The following TNXB variants were observed in gnomAD, a reference collection of about 807,000 sequenced individuals.
TNXB encodes the protein tenascin-X.
TNXB carries 183 observed loss-of-function variants against 340.5 expected under a neutral mutation model. The ratio of observed to expected loss-of-function variants is 0.54; its 90% confidence interval spans 0.48 to 0.61. The LOEUF is 0.61. TNXB is among the 20% of genes least tolerant of loss of function. The pLI is 0.00. For missense variants in TNXB, 4,613 were observed against 5,446.4 expected (o/e 0.85, Z 4.82); for synonymous variants, 2,121 against 2,314.5 (o/e 0.92, Z 2.40).
chr6:32,070,056 C>T lies in TNXB; in HGVS notation c.5278+71G>A. On this transcript the variant is annotated intron_variant, in intron 14 of 43. Coordinates refer to ENST00000644971, the MANE Select transcript of TNXB (RefSeq NM_001365276.2). This position sits in a 1 kb window ranked among gnomAD's most constrained non-coding sequence, Gnocchi z 6.0. ...TGGGGCCAAATAATGGTAATGGCAG[C>T]CACCACAAGTGACCGTCTGCTGCTT... The T allele has an allele frequency of 1.4e-6, 2 of 1,458,024 alleles. No individual in the cohort carries two copies. Among genetic ancestry groups the T allele is most frequent in the Non-Finnish European group, 1.8e-6 (2 of 1,107,884 alleles). 90.3% of individuals were successfully genotyped at this position (1,458,024 alleles called of 1,614,324 possible).
At chr6:32,043,920 C>T in intron 34 of TNXB, 28 bp from the exon 35 acceptor site, 1 of 1,613,126 alleles carries the variant, frequency 6.2e-7, no homozygotes, top group Non-Finnish European at 8.5e-7. Flanking sequence ...CGAGGGTTAC[C>T]CAGGGAACCC....
In TNXB at chr6:32,062,045, A is replaced by G. The variant is rs1174530839; in HGVS notation, c.7168+112T>C. On this transcript the variant is annotated intron_variant, in intron 20 of 43. Transcript: ENST00000644971. The surrounding 1 kb of genome is among the most constrained non-coding windows in gnomAD (Gnocchi z 4.3). ...AATGGGAGCCCCAGCCCCAGCCACA[A>G]GTAGGTCTGTGGTGCTGACCAGACC... The G allele has an allele frequency of 3.0e-6, 4 of 1,333,082 alleles. No homozygotes were observed. The highest frequency in any genetic ancestry group is 4.1e-6 in the Non-Finnish European group (4 of 981,702). The allele number at this position is 1,333,082 out of a possible 1,614,324, so 82.6% of individuals were successfully genotyped here. A position where few individuals can be genotyped will look rare whatever the true frequency, so the allele number is the denominator to read the frequency against.
chr6:32,085,850 C>G lies in TNXB; in HGVS notation c.3048G>C (p.Leu1016=). 1 of 1,607,992 alleles carries G rather than the reference C, an allele frequency of 6.2e-7. No homozygotes were observed. Among genetic ancestry groups the G allele is most frequent in the Non-Finnish European group, 8.5e-7 (1 of 1,178,206 alleles). ...GGGTTCCAGGAGGGGGTGGAGGCAC[C>G]AGAGCCTGGCGGACGTCCCCTGGCA... ...EVLPGDVRQA[L]VPPPPPGTPY... Residue 1016 remains leucine, a synonymous_variant, in exon 7 of 44, where the codon CTG becomes CTC. Transcript: ENST00000644971. This position sits in a 1 kb window ranked among gnomAD's most constrained non-coding sequence, Gnocchi z 6.4.
rs570662771 is a variant in TNXB at position 32,061,228 on chromosome 6, C to G, written c.7492+169G>C. Among the ~76,000 whole-genome samples, 9 of 151,894 alleles carry G rather than the reference C, an allele frequency of 5.9e-5. 1 individual carries two copies. The highest frequency in any genetic ancestry group is 2.2e-4 in the African/African-American group (9 of 41,190). ...GGTTGACCATTAGAGGGAGGCCACG[C>G]CAAAGTGAACAAGCAAACCGCTAGC... On this transcript the variant is annotated intron_variant, in intron 21 of 43. Transcript: ENST00000644971. The surrounding 1 kb of genome is among the most constrained non-coding windows in gnomAD (Gnocchi z 4.4).
At position 32,085,840 on chromosome 6, in the gene TNXB, G is replaced by A. The variant is rs765589802; in HGVS notation, c.3058C>T (p.Pro1020Ser). The change falls in exon 7 of 44, where the codon CCC (proline) becomes TCC (serine). Residue 1020 changes from proline (P) to serine (S), a missense_variant. By Grantham distance (74) the Pro-to-Ser change is moderately conservative (BLOSUM62 -1). Around this residue, in one of 7 missense-constraint regions of TNXB, gnomAD observed 4,327 missense variants for 4,859.4 expected, o/e 0.89. Transcript: ENST00000644971. The surrounding 1 kb of genome is among the most constrained non-coding windows in gnomAD (Gnocchi z 6.4). ...GDVRQALVPP[P>S]PPGTPYELSL... ...AGCTCATACGGGGTTCCAGGAGGGG[G>A]TGGAGGCACCAGAGCCTGGCGGACG... is the stretch of plus-strand genomic sequence containing the variant. 13 of 1,606,606 alleles carry A rather than the reference G, an allele frequency of 8.1e-6. 1 individual carries two copies. In the Admixed American group the frequency reaches 2.0e-4, roughly 25 times the overall value.
chr6:32,081,268 T>G lies in TNXB; in HGVS notation c.4042+100A>C. The G allele has an allele frequency of 1.3e-5, 16 of 1,247,044 alleles. No homozygotes were observed. Among genetic ancestry groups the G allele is most frequent in the Non-Finnish European group, 1.8e-5 (16 of 907,348 alleles). The allele number at this position is 1,247,044 out of a possible 1,614,324, so 77.2% of individuals were successfully genotyped here. ...GGGTGGAGGCTTTGGCAAAATGAGC[T>G]GAGAAGGCGAAGATGGAGGGAGGCT... On this transcript the variant is annotated intron_variant, in intron 10 of 43. Coordinates refer to ENST00000644971, the MANE Select transcript of TNXB (RefSeq NM_001365276.2). This position sits in a 1 kb window ranked among gnomAD's most constrained non-coding sequence, Gnocchi z 5.1.
chr6:32,106,993 G>A (rs796291777), intron 1 of TNXB, among the ~76,000 whole-genome samples: 12 of 152,336 alleles, frequency 7.9e-5, no homozygotes, highest in African/African-American at 1.4e-4. Context: ...ATGCACACAC[G>A]TGCACACACA....
At position 32,087,370 on chromosome 6, in the gene TNXB, G is replaced by C. The variant is rs763893300; in HGVS notation, c.2780-1252C>G. ...CAGGCTGACGGTGCGCGTGGTGCCC[G>C]GCACAGTCAGCTCACCGCCGGGGCC... On this transcript the variant is annotated intron_variant, in intron 6 of 43. Coordinates refer to ENST00000644971, the MANE Select transcript of TNXB (RefSeq NM_001365276.2). This position sits in a 1 kb window ranked among gnomAD's most constrained non-coding sequence, Gnocchi z 9.0. 1.3e-5 allele frequency: 6 copies of C among 474,266 alleles called. No homozygotes were observed. Among genetic ancestry groups the C allele is most frequent in the Non-Finnish European group, 2.5e-5 (6 of 237,904 alleles). 29.4% of individuals were successfully genotyped at this position (474,266 alleles called of 1,614,324 possible).
chr6:32,057,056 G>A (rs1582375001), intron 22 of TNXB, among the ~76,000 whole-genome samples, 153 bp from the exon 23 acceptor site: 1 of 151,860 alleles, frequency 6.6e-6, no homozygotes. Flanking sequence ...CCTCTCCTGT[G>A]GCCTTTCCTA....
At chr6:32,100,717 A>AAACATCAGTTTGAACAGTTTGAAACAGAG (rs1780673794) in intron 1 of TNXB, among the ~76,000 whole-genome samples, 1 of 151,690 alleles carries the variant, frequency 6.6e-6, no homozygotes, top group African/African-American at 2.4e-5. Flanking sequence ...CAGAGCTGAT[A>AAACATCAGTTTGAACAGTTTGAAACAGAG]CTCTGTTTCA....
Position 32,056,037 on chromosome 6 carries a change from C to T in TNXB, c.8281G>A (p.Gly2761Ser). 1 of 1,613,018 alleles carries T rather than the reference C, an allele frequency of 6.2e-7. No individual in the cohort carries two copies. Among genetic ancestry groups the T allele is most frequent in the East Asian group, 2.2e-5 (1 of 44,868 alleles). ...SLSLSWTIPQ[G>S]HFDSFTVQYK... ...TGCACGGTGAAGGAGTCGAAGTGGC[C>T]CTGGGGGATGGTCCAGGAGAGGCTC... Residue 2761 changes from glycine to serine, a missense_variant, in exon 24 of 44, where the codon GGC becomes AGC. Transcript: ENST00000644971.
rs752791701 is a variant in TNXB at position 32,087,840 on chromosome 6, G to C, written c.2779+945C>G. The C allele has an allele frequency of 1.0e-5, 5 of 493,542 alleles. No homozygotes were observed. Among genetic ancestry groups the C allele is most frequent in the Admixed American group, 8.2e-5 (4 of 48,838 alleles). 30.6% of individuals were successfully genotyped at this position (493,542 alleles called of 1,614,324 possible). A position where few individuals can be genotyped will look rare whatever the true frequency, so the allele number is the denominator to read the frequency against. Reference sequence around the variant, plus strand: ...AAGGCCGCCGTGGGGGCTGGGACAGGCTTGGCCTGGGCGGGGACTCCTCCT... The same window carrying C: ...AAGGCCGCCGTGGGGGCTGGGACAGCCTTGGCCTGGGCGGGGACTCCTCCT... On this transcript the variant is annotated intron_variant, in intron 6 of 43. Transcript: ENST00000644971. The surrounding 1 kb of genome is among the most constrained non-coding windows in gnomAD (Gnocchi z 9.0).
chr6:32,053,377 C>A lies in TNXB; in HGVS notation c.8791+11G>T, dbSNP rs547180857. On this transcript the variant is annotated intron_variant, in intron 25 of 43. Transcript: ENST00000644971. ...ACAGGCCCCACTCTGGGGCTCCCATCGTACACTCACCTGTCACCCCAATGA... is the reference window on the plus strand; with the variant it reads ...ACAGGCCCCACTCTGGGGCTCCCATAGTACACTCACCTGTCACCCCAATGA... The A allele has an allele frequency of 3.9e-5, 63 of 1,610,924 alleles. No homozygotes were observed. The highest frequency in any genetic ancestry group is 4.2e-6 in the Non-Finnish European group (5 of 1,179,170).
Position 32,067,095 on chromosome 6 carries a change from A to AAAGAG in TNXB, c.6544+565_6544+566insCTCTT, listed in dbSNP as rs1778386653. On this transcript the variant is annotated intron_variant, in intron 18 of 43. Transcript: ENST00000644971. The surrounding 1 kb of genome is among the most constrained non-coding windows in gnomAD (Gnocchi z 4.2). The stretch of plus-strand genomic sequence containing the variant: ...TGTCTAAAAAGAAAGAAAGAAAAGA[A>AAAGAG]TGAAAGAAAGAAAGAAAGAGAAAGA... Among the ~76,000 whole-genome samples the AAAGAG allele has an allele frequency of 9.7e-6, 1 of 103,166 alleles. No homozygotes were observed. Among genetic ancestry groups the AAAGAG allele is most frequent in the Non-Finnish European group, 2.2e-5 (1 of 45,952 alleles). The allele number at this position is 103,166 out of a possible 152,430, so 67.7% of individuals were successfully genotyped here. A position where few individuals can be genotyped will look rare whatever the true frequency, so the allele number is the denominator to read the frequency against.
At position 32,096,244 on chromosome 6, in the gene TNXB, G is replaced by A; in HGVS notation, c.1609C>T (p.Leu537Phe). Residue 537 changes from leucine to phenylalanine, a missense_variant, in exon 3 of 44, where the codon CTT becomes TTT. Around this residue, in one of 7 missense-constraint regions of TNXB, gnomAD observed 4,327 missense variants for 4,859.4 expected, o/e 0.89. Transcript: ENST00000644971. ...RCPGDCRGHG[L>F]CEDGVCVCDA... is the part of the protein sequence containing the mutation. Reference sequence around the variant, plus strand: ...CACACGCACACGCCATCCTCGCAAAGGCCGTGCCCACGGCAGTCCCCGGGA... The same window carrying A: ...CACACGCACACGCCATCCTCGCAAAAGCCGTGCCCACGGCAGTCCCCGGGA... 5 of 1,568,664 alleles carry A rather than the reference G, an allele frequency of 3.2e-6. No individual in the cohort carries two copies. The highest frequency in any genetic ancestry group is 4.3e-6 in the Non-Finnish European group (5 of 1,160,838).
Position 32,108,592 on chromosome 6 carries a change from C to T in TNXB, c.-9+589G>A, listed in dbSNP as rs1201673422. ...GACCCGAGTCCTGACTGTCCCATTTCAGTATTTCCTAAAGAGATCTCCCAG... is the reference window on the plus strand; with the variant it reads ...GACCCGAGTCCTGACTGTCCCATTTTAGTATTTCCTAAAGAGATCTCCCAG... On this transcript the variant is annotated intron_variant, in intron 1 of 43. Coordinates refer to ENST00000644971, the MANE Select transcript of TNXB (RefSeq NM_001365276.2). This position sits in a 1 kb window ranked among gnomAD's most constrained non-coding sequence, Gnocchi z 4.8. Among the ~76,000 whole-genome samples, 1 of 152,132 alleles carries T rather than the reference C, an allele frequency of 6.6e-6. No homozygotes were observed. The highest frequency in any genetic ancestry group is 1.9e-4 in the East Asian group (1 of 5,188).
rs368428784 is a variant in TNXB at position 32,043,766 on chromosome 6, G to C, written c.11513C>G (p.Thr3838Arg). 1.2e-6 allele frequency: 2 copies of C among 1,613,526 alleles called. No individual in the cohort carries two copies. Among genetic ancestry groups the C allele is most frequent in the Admixed American group, 1.7e-5 (1 of 60,028 alleles). The change falls in exon 35 of 44, where the codon ACA (threonine) becomes AGA (arginine). Residue 3838 changes from threonine (T) to arginine (R), a missense_variant. By Grantham distance (71) the Thr-to-Arg change is moderately conservative. Around this residue, in one of 7 missense-constraint regions of TNXB, gnomAD observed 114 missense variants for 104.5 expected, o/e 1.09. Coordinates refer to ENST00000644971, the MANE Select transcript of TNXB (RefSeq NM_001365276.2). ...VRGFEESEPL[T>R]GFLTTVPDGP... ...CATCTCACCCGTGGTGAGGAAGCCT[G>C]TGAGAGGCTCACTCTCCTCAAAGCC... is the stretch of plus-strand genomic sequence containing the variant.
intron 1 of TNXB, among the ~76,000 whole-genome samples, chr6:32,106,428 G>T (rs1408159783): frequency 2.0e-5 from 3 of 152,060 alleles, no homozygotes; most frequent in African/African-American, 4.8e-5. Context: ...GGCAGGGTGG[G>T]TGTGGAAATG....
chr6:32,057,442 G>A (rs1777734793), intron 22 of TNXB, among the ~76,000 whole-genome samples: 1 of 152,072 alleles, frequency 6.6e-6, no homozygotes, highest in Admixed American at 6.5e-5. Flanking sequence ...GCCACCAACT[G>A]CCTACTGGCC....
Sources: allele counts gnomAD v4.1 joint callset (sites outside exome capture counted in the v4.1 genomes callset), GRCh38; gene constraint gnomAD v4.1.1; regional missense constraint gnomAD v4.1.1; non-coding constraint Gnocchi (gnomAD v3.1); transcripts MANE v1.5; gene names NCBI Gene and HGNC (gene_info 2026-07-23, HGNC 2026-07-21).